The following DTX4 variants were observed in gnomAD, a reference collection of about 807,000 sequenced individuals.
The protein encoded by DTX4 is deltex E3 ubiquitin ligase 4, also known as E3 ubiquitin-protein ligase DTX4.
A neutral mutation model predicts 57.6 loss-of-function variants in DTX4; 28 were observed. That is an observed-to-expected ratio of 0.49 (90% CI 0.36 to 0.67). The LOEUF (loss-of-function observed/expected upper bound fraction) is 0.67, where lower values mean the gene tolerates loss of function less well. Ranked by LOEUF, DTX4 falls within the 30% of genes least tolerant of loss-of-function variation. The probability of loss-of-function intolerance (pLI) is 0.00; values close to 1 mark genes in which losing one functional copy is unlikely to be tolerated. For synonymous variants in DTX4, 316 were observed against 331.0 expected, an observed-to-expected ratio of 0.95 and a Z score of 0.49; for missense variants, 715 against 836.8, an observed-to-expected ratio of 0.85 and a Z score of 1.80.
At chr11:59,189,897 C>A (rs1315526881) in intron 4 of DTX4, among the ~76,000 whole-genome samples, 2 of 152,156 alleles carry the variant, frequency 1.3e-5, no homozygotes, top group African/African-American at 4.8e-5. Flanking sequence ...ATATCTGTAC[C>A]TTCCTAGCAC....
intron 6 of DTX4, among the ~76,000 whole-genome samples, chr11:59,193,501 A>T (rs1019364619): frequency 8.5e-5 from 13 of 152,152 alleles, no homozygotes; most frequent in Non-Finnish European, 1.5e-5. Flanking sequence ...AAAAGGATTC[A>T]TTGGGATCTT....
chr11:59,174,296 T>C lies in DTX4; in HGVS notation c.211+1490T>C, dbSNP rs188991571. 5.1e-3 allele frequency among the ~76,000 whole-genome samples: 773 copies of C among 150,396 alleles called. 4 individuals carry two copies. The highest frequency in any genetic ancestry group is 8.0e-3 in the Non-Finnish European group (539 of 67,542). On this transcript the variant is annotated intron_variant, in intron 1 of 8. Coordinates refer to ENST00000227451, the MANE Select transcript of DTX4 (RefSeq NM_015177.2). ...GAGAATAGAGAGGAATGTGGGGAGA[T>C]TGAGAAAGAGGATTAAGTGTGGCTG...
chr11:59,172,985 C>T (rs1377900171), intron 1 of DTX4, among the ~76,000 whole-genome samples, 179 bp downstream of exon 1: 1 of 152,168 alleles, frequency 6.6e-6, no homozygotes, highest in African/African-American at 2.4e-5. Context: ...TCCTCCCTCC[C>T]CCTTAAACAT....
At chr11:59,173,544 G>T (rs1329127599) in intron 1 of DTX4, among the ~76,000 whole-genome samples, 1 of 152,210 alleles carries the variant, frequency 6.6e-6, no homozygotes, top group Non-Finnish European at 1.5e-5. Context: ...TGCATGGCAG[G>T]GAAGCCGCTC....
At chr11:59,196,584 C>CCA (rs1862673913) in intron 7 of DTX4, among the ~76,000 whole-genome samples, 1 of 152,204 alleles carries the variant, frequency 6.6e-6, no homozygotes, top group African/African-American at 2.4e-5. Context: ...AACCCTCAGG[C>CCA]CACAGAAGGG....
chr11:59,187,496 C>T (rs1565218158), intron 2 of DTX4, among the ~76,000 whole-genome samples: 1 of 152,200 alleles, frequency 6.6e-6, no homozygotes, highest in African/African-American at 2.4e-5. Flanking sequence ...CCCCCAGCAT[C>T]GGGAATAGCA....
intron 1 of DTX4, 116 bp from the exon 2 acceptor site, chr11:59,181,623 A>G: frequency 7.1e-7 from 1 of 1,414,900 alleles, no homozygotes; most frequent in South Asian, 1.4e-5. Flanking sequence ...CATGCCCAGT[A>G]CACAGTAGGA....
At chr11:59,199,810 G>A (rs1862719833) in intron 8 of DTX4, 37 bp downstream of exon 8, 2 of 1,526,360 alleles carry the variant, frequency 1.3e-6, no homozygotes, top group Admixed American at 3.9e-5. Flanking sequence ...CTAGGTTTTA[G>A]AATAGATCGG....
chr11:59,200,873 A>G (rs1862732757), intron 8 of DTX4, among the ~76,000 whole-genome samples: 1 of 152,230 alleles, frequency 6.6e-6, no homozygotes, highest in South Asian at 2.1e-4. Flanking sequence ...CTTTCTCTCC[A>G]AATTTCCGCT....
intron 8 of DTX4, among the ~76,000 whole-genome samples, chr11:59,200,494 G>A (rs1862728005): frequency 6.6e-6 from 1 of 152,174 alleles, no homozygotes; most frequent in African/African-American, 2.4e-5. Flanking sequence ...TGCAGAACCA[G>A]AAGCCACTTC....
At chr11:59,191,077 C>G in intron 4 of DTX4, 37 bp from the exon 5 acceptor site, 1 of 1,553,238 alleles carries the variant, frequency 6.4e-7, no homozygotes, top group East Asian at 2.4e-5. Context: ...TCTCTTACCT[C>G]TGCCTTGGTG....
At chr11:59,204,000 C>T (rs1388685439) in intron 8 of DTX4, among the ~76,000 whole-genome samples, 2 of 152,154 alleles carry the variant, frequency 1.3e-5, no homozygotes, top group South Asian at 2.1e-4. Context: ...TCATGCTGGA[C>T]ACTACTCTGA....
chr11:59,176,478 CAACT>C (rs2135511159), intron 1 of DTX4, among the ~76,000 whole-genome samples: 1 of 152,356 alleles, frequency 6.6e-6, no homozygotes, highest in Admixed American at 6.5e-5. Context: ...AGTTATGGAG[CAACT>C]ATTTAGCGCA....
chr11:59,188,610 T>G (rs1383517018), intron 2 of DTX4, 125 bp from the exon 3 acceptor site: 1 of 757,290 alleles, frequency 1.3e-6, no homozygotes, highest in Non-Finnish European at 2.2e-6. Flanking sequence ...TGACTTAGGT[T>G]TTGAAGATGT....
At chr11:59,181,133 T>A (rs192193842) in intron 1 of DTX4, among the ~76,000 whole-genome samples, 1 of 152,212 alleles carries the variant, frequency 6.6e-6, no homozygotes, top group African/African-American at 2.4e-5. Context: ...CCCTCAGTCC[T>A]CTAGGCTTCC....
At chr11:59,183,397 T>C (rs1862489904) in intron 2 of DTX4, among the ~76,000 whole-genome samples, 1 of 152,226 alleles carries the variant, frequency 6.6e-6, no homozygotes, top group African/African-American at 2.4e-5. Context: ...CTGTAGGTCC[T>C]GTTTGTATTG....
chr11:59,192,733 C>T (rs1862615591), intron 6 of DTX4, among the ~76,000 whole-genome samples: 1 of 152,176 alleles, frequency 6.6e-6, no homozygotes, highest in African/African-American at 2.4e-5. Context: ...TCAAAACACC[C>T]TTGATTGGCC....
intron 8 of DTX4, among the ~76,000 whole-genome samples, 173 bp downstream of exon 8, chr11:59,199,946 G>A (rs981876826): frequency 6.6e-6 from 1 of 152,184 alleles, no homozygotes; most frequent in African/African-American, 2.4e-5. Flanking sequence ...ACCATAGGTG[G>A]GGTGGCTACG....
intron 1 of DTX4, among the ~76,000 whole-genome samples, chr11:59,175,603 A>G (rs1254380394): frequency 3.3e-5 from 5 of 152,112 alleles, no homozygotes; most frequent in African/African-American, 1.2e-4. Flanking sequence ...GGTGAGATAG[A>G]TGGGACTGGC....
Sources: gnomAD v4.1 joint callset for allele counts (sites outside exome capture counted in the v4.1 genomes callset) on GRCh38, gnomAD v4.1.1 for gene constraint, MANE v1.5 for transcripts, NCBI Gene and HGNC (gene_info 2026-07-23, HGNC 2026-07-21) for gene names.